Variants in VAT1L observed in about 807,000 individuals in gnomAD.
VAT1L encodes the protein vesicle amine transport 1 like.
In VAT1L, 34 loss-of-function variants were observed where a neutral mutation model predicts 44.1. That is an observed-to-expected ratio of 0.77 (90% CI 0.59 to 1.03). VAT1L has a LOEUF of 1.03. VAT1L is among the 50% of genes least tolerant of loss of function. The probability of loss-of-function intolerance (pLI) is 0.00; values close to 1 mark genes in which losing one functional copy is unlikely to be tolerated. For missense variants in VAT1L, 615 were observed against 538.8 expected, an observed-to-expected ratio of 1.14 and a Z score of -1.40; for synonymous variants, 253 against 202.2, an observed-to-expected ratio of 1.25 and a Z score of -2.13.
chr16:77,925,980 G>C (rs574283227), intron 7 of VAT1L, among the ~76,000 whole-genome samples: 2 of 152,098 alleles, frequency 1.3e-5, no homozygotes, highest in Non-Finnish European at 2.9e-5. Flanking sequence ...ATAGGAGTCG[G>C]GGCCGGGTGC....
chr16:77,974,381 C>T (rs1403516189), intron 8 of VAT1L, among the ~76,000 whole-genome samples: 2 of 152,178 alleles, frequency 1.3e-5, no homozygotes, highest in Non-Finnish European at 2.9e-5. Flanking sequence ...CAATTTCCCA[C>T]CCTGGGATGC....
chr16:77,970,875 A>G lies in VAT1L; in HGVS notation c.1078-975A>G, dbSNP rs556034648. Among the ~76,000 whole-genome samples the G allele has an allele frequency of 4.9e-4, 75 of 152,346 alleles. No individual in the cohort carries two copies. In the Middle Eastern group the frequency reaches 0.01, roughly 21 times the overall value. On this transcript the variant is annotated intron_variant, in intron 7 of 8. Transcript: ENST00000302536. ...TGAGTTCCTCAAAGGCAGGCACTGT[A>G]TCTTACTTTTTAATTTTGTTTAACC... is the stretch of plus-strand genomic sequence containing the variant.
chr16:77,968,424 A>C (rs4888706), intron 7 of VAT1L, among the ~76,000 whole-genome samples: 12,604 of 152,296 alleles, frequency 0.083, 571 homozygotes, highest in Middle Eastern at 0.11. Context: ...TGTTTAAATG[A>C]AGAATAAAAA....
chr16:77,945,530 T>C (rs372548678), intron 7 of VAT1L, among the ~76,000 whole-genome samples: 1 of 152,124 alleles, frequency 6.6e-6, no homozygotes, highest in Admixed American at 6.5e-5. Context: ...CCTCAAGCGA[T>C]TGTCCTGCCT....
At chr16:77,962,417 T>C (rs879396791) in intron 7 of VAT1L, among the ~76,000 whole-genome samples, 38 of 151,974 alleles carry the variant, frequency 2.5e-4, no homozygotes, top group Middle Eastern at 3.4e-3. Context: ...GGTGCTGACA[T>C]AGGTAGGGAT....
At chr16:77,838,362 G>A (rs1054109291) in intron 3 of VAT1L, among the ~76,000 whole-genome samples, 2 of 152,124 alleles carry the variant, frequency 1.3e-5, no homozygotes, top group Non-Finnish European at 1.5e-5. Flanking sequence ...CCTTTGAGGC[G>A]CGTGGTCTCT....
At chr16:77,877,565 A>G (rs923161470) in intron 5 of VAT1L, among the ~76,000 whole-genome samples, 7 of 151,458 alleles carry the variant, frequency 4.6e-5, no homozygotes, top group African/African-American at 1.5e-4. Flanking sequence ...TCCACAAACT[A>G]AAATAGGAGT....
rs374598418 is a variant in VAT1L at position 77,849,246 on chromosome 16, C to G, written c.580-13502C>G. ...ACTTAGGTACGTGGCACATAAATGT[C>G]CACTGAATGAAACAAGAAACAAATG... On this transcript the variant is annotated intron_variant, in intron 3 of 8. Transcript: ENST00000302536. 1.4e-4 allele frequency among the ~76,000 whole-genome samples: 21 copies of G among 152,214 alleles called. No individual in the cohort carries two copies. The East Asian group carries it at 1.9e-3, about 14-fold the overall frequency.
At chr16:77,862,646 A>AAAAAAAC (rs2016927407) in intron 3 of VAT1L, 102 bp from the exon 4 acceptor site, 1 of 1,084,128 alleles carries the variant, frequency 9.2e-7, no homozygotes, top group Non-Finnish European at 1.3e-6. Flanking sequence ...AAAAAAAAAA[A>AAAAAAAC]AGTCAATAGT....
chr16:77,892,092 G>A (rs11644674), intron 7 of VAT1L, among the ~76,000 whole-genome samples: 76,935 of 151,856 alleles, frequency 0.51, 21,730 homozygotes, highest in Middle Eastern at 0.63. Flanking sequence ...GATGAATGTG[G>A]GACACCAAGG....
intron 3 of VAT1L, among the ~76,000 whole-genome samples, chr16:77,837,198 G>A (rs1030964805): frequency 1.3e-5 from 2 of 152,162 alleles, no homozygotes; most frequent in African/African-American, 4.8e-5. Context: ...CTTTGCCTCC[G>A]TGAGTTAAGG....
rs964350665 is a variant in VAT1L, at chr16:77,972,314, A to AT, written c.1161+391dup. Among the ~76,000 whole-genome samples the AT allele has an allele frequency of 5.4e-4, 81 of 150,600 alleles. 2 individuals carry two copies. The highest frequency in any genetic ancestry group is 5.1e-3 in the East Asian group (26 of 5,144). ...GAGATGCTCCCTGATGGTTCCACAGATTTTTTTTTTCTTTCTTTCAGAGAG... is the reference window on the plus strand; with the variant it reads ...GAGATGCTCCCTGATGGTTCCACAGATTTTTTTTTTTCTTTCTTTCAGAGAG... On this transcript the variant is annotated intron_variant, in intron 8 of 8. Transcript: ENST00000302536.
chr16:77,966,091 C>T (rs2018219428), intron 7 of VAT1L, among the ~76,000 whole-genome samples: 1 of 152,164 alleles, frequency 6.6e-6, no homozygotes, highest in Non-Finnish European at 1.5e-5. Context: ...ATTGAAATAA[C>T]ATGTTGGATA....
intron 2 of VAT1L, among the ~76,000 whole-genome samples, chr16:77,820,570 T>C (rs2016435503): frequency 6.6e-6 from 1 of 152,172 alleles, no homozygotes; most frequent in Non-Finnish European, 1.5e-5. Context: ...CTCCTCTTAG[T>C]AACAGCTTGT....
chr16:77,835,283 T>C (rs2016627102), intron 3 of VAT1L, among the ~76,000 whole-genome samples: 1 of 152,198 alleles, frequency 6.6e-6, no homozygotes, highest in South Asian at 2.1e-4. Context: ...TCTTGTAAAT[T>C]TAAATCTATT....
chr16:77,967,129 T>A (rs1344853916), intron 7 of VAT1L, among the ~76,000 whole-genome samples: 1 of 152,044 alleles, frequency 6.6e-6, no homozygotes, highest in Admixed American at 6.5e-5. Context: ...AGACTTTGCT[T>A]TGCCAAGGTG....
intron 7 of VAT1L, among the ~76,000 whole-genome samples, chr16:77,958,515 A>G (rs1202582756): frequency 1.3e-5 from 2 of 152,182 alleles, no homozygotes; most frequent in Non-Finnish European, 2.9e-5. Flanking sequence ...GTTCTATTCA[A>G]CCACCCAAAT....
At chr16:77,972,193 CCTGT>C (rs1226397645) in intron 8 of VAT1L, among the ~76,000 whole-genome samples, 2 of 152,198 alleles carry the variant, frequency 1.3e-5, no homozygotes, top group East Asian at 1.9e-4. Context: ...CAACAACAGA[CCTGT>C]CTATTACAGC....
intron 7 of VAT1L, among the ~76,000 whole-genome samples, chr16:77,939,327 A>T (rs1461756432): frequency 6.6e-6 from 1 of 150,802 alleles, no homozygotes. Context: ...AATTGTGTGC[A>T]TGTTTTTTCC....
Sources: gnomAD v4.1 joint callset for allele counts (sites outside exome capture counted in the v4.1 genomes callset) on GRCh38, gnomAD v4.1.1 for gene constraint, MANE v1.5 for transcripts, NCBI Gene and HGNC (gene_info 2026-07-23, HGNC 2026-07-21) for gene names.